NUDT13: variants seen among roughly 807,000 people sequenced by gnomAD.
The protein encoded by NUDT13 is NAD(P)H pyrophosphatase NUDT13, mitochondrial.
In NUDT13, 40 loss-of-function variants were observed where a neutral mutation model predicts 41.7. That is an observed-to-expected ratio of 0.96 (90% CI 0.75 to 1.25). The LOEUF (loss-of-function observed/expected upper bound fraction) is 1.25, where lower values mean the gene tolerates loss of function less well. NUDT13 is among the 50% of genes most tolerant of loss of function. The pLI is 0.00. For missense variants in NUDT13, 390 were observed against 416.1 expected (o/e 0.94, Z 0.55); for synonymous variants, 145 against 155.5 (o/e 0.93, Z 0.50).
chr10:73,111,133 C>A (rs1279017824), intron 1 of NUDT13, among the ~76,000 whole-genome samples: 1 of 152,108 alleles, frequency 6.6e-6, no homozygotes. Context: ...CCCGCCACCA[C>A]GCCCAGCCAC....
intron 8 of NUDT13, among the ~76,000 whole-genome samples, chr10:73,129,572 T>C (rs1426128597): frequency 6.6e-6 from 1 of 152,030 alleles, no homozygotes; most frequent in Non-Finnish European, 1.5e-5. Context: ...TTGGTTTTTA[T>C]AGAATATCTA....
At chr10:73,113,610 T>G (rs1453533490) in intron 1 of NUDT13, among the ~76,000 whole-genome samples, 1 of 152,182 alleles carries the variant, frequency 6.6e-6, no homozygotes, top group African/African-American at 2.4e-5. Flanking sequence ...TTTGTGTTCT[T>G]TAAGGGACCC....
chr10:73,114,646 C>T (rs929910771), intron 2 of NUDT13, among the ~76,000 whole-genome samples, 198 bp downstream of exon 2: 1 of 150,960 alleles, frequency 6.6e-6, no homozygotes, highest in Non-Finnish European at 1.5e-5. Context: ...GTTTCTGGCT[C>T]ATAACTCCTA....
intron 7 of NUDT13, among the ~76,000 whole-genome samples, chr10:73,126,368 G>T (rs755466674): frequency 2.6e-5 from 4 of 152,136 alleles, no homozygotes; most frequent in Non-Finnish European, 4.4e-5. Flanking sequence ...TTTACAGGTT[G>T]GTTTTTTTCT....
chr10:73,117,137 C>T (rs1332488936), intron 2 of NUDT13, among the ~76,000 whole-genome samples: 3 of 150,970 alleles, frequency 2.0e-5, no homozygotes, highest in Admixed American at 6.6e-5. Context: ...CCCACCTCGA[C>T]CTCCCAAAGT....
chr10:73,127,116 C>T (rs1463913769), intron 8 of NUDT13, among the ~76,000 whole-genome samples: 1 of 152,070 alleles, frequency 6.6e-6, no homozygotes, highest in Non-Finnish European at 1.5e-5. Context: ...TGCGATGGCT[C>T]ATGCCTGTAA....
At chr10:73,125,594 C>A in intron 7 of NUDT13, 85 bp downstream of exon 7, 3 of 800,216 alleles carry the variant, frequency 3.7e-6, no homozygotes, top group Non-Finnish European at 3.8e-6. Flanking sequence ...TGCTATAGAG[C>A]TTGAATTCCC....
chr10:73,124,867 C>G, intron 5 of NUDT13: 2 of 381,168 alleles, frequency 5.2e-6, no homozygotes, highest in South Asian at 5.7e-5. Context: ...TTTATTACCT[C>G]ATATACTTCA....
intron 1 of NUDT13, among the ~76,000 whole-genome samples, chr10:73,111,847 T>G: frequency 6.6e-6 from 1 of 152,244 alleles, no homozygotes; most frequent in East Asian, 1.9e-4. Flanking sequence ...GGAGGTAGCC[T>G]CATTAACCAG....
rs761596261 is a variant in NUDT13 at position 73,126,748 on chromosome 10, A to G, written c.779A>G (p.Tyr260Cys). 1.9e-6 allele frequency: 3 copies of G among 1,613,966 alleles called. No individual in the cohort carries two copies. Among genetic ancestry groups the G allele is most frequent in the Non-Finnish European group, 2.5e-6 (3 of 1,180,006 alleles). The change falls in exon 8 of 9, where the codon TAT becomes TGT. Residue 260 changes from tyrosine to cysteine, a missense_variant. Transcript: ENST00000357321. Reference sequence around the variant, plus strand: ...TTGGAGGTGGAAAGCCTGCAGTACTATGCATCCCAGCATTGGCCCTTCCCT... The same window carrying G: ...TTGGAGGTGGAAAGCCTGCAGTACTGTGCATCCCAGCATTGGCCCTTCCCT... ...VGLEVESLQY[Y>C]ASQHWPFPSG...
intron 3 of NUDT13, 40 bp from the exon 4 acceptor site, chr10:73,122,135 T>C: frequency 1.9e-6 from 3 of 1,599,862 alleles, no homozygotes; most frequent in Non-Finnish European, 2.6e-6. Context: ...ATAGAAACCC[T>C]TGTGTTTTGC....
chr10:73,114,714 C>G (rs1482428474), intron 2 of NUDT13, among the ~76,000 whole-genome samples: 1 of 151,666 alleles, frequency 6.6e-6, no homozygotes, highest in Non-Finnish European at 1.5e-5. Context: ...CAGGGGCAGG[C>G]CTCAGGAAAC....
At chr10:73,129,640 G>T (rs901226688) in intron 8 of NUDT13, among the ~76,000 whole-genome samples, 1 of 149,836 alleles carries the variant, frequency 6.7e-6, no homozygotes, top group Non-Finnish European at 1.5e-5. Context: ...GCAAAGATGA[G>T]ACTATGCTTT....
At position 73,119,985 on chromosome 10, in the gene NUDT13, T is replaced by C. The variant is rs1203952943; in HGVS notation, c.84-33T>C. On this transcript the variant is annotated intron_variant, in intron 2 of 8. Transcript: ENST00000357321. ...ATGCTATACAGGTAACTAAGGGTGG[T>C]TTTGTAATGGTTTGATTATTTCCCA... 2.5e-6 allele frequency: 4 copies of C among 1,611,560 alleles called. No homozygotes were observed. The East Asian group carries it at 6.7e-5, about 27-fold the overall frequency.
At chr10:73,118,029 T>C (rs1842557307) in intron 2 of NUDT13, among the ~76,000 whole-genome samples, 2 of 152,210 alleles carry the variant, frequency 1.3e-5, no homozygotes, top group African/African-American at 4.8e-5. Flanking sequence ...CTGGGTGTTT[T>C]TGTAGGTGTT....
intron 8 of NUDT13, among the ~76,000 whole-genome samples, chr10:73,128,553 A>C (rs1224899093): frequency 6.6e-6 from 1 of 152,216 alleles, no homozygotes; most frequent in Non-Finnish European, 1.5e-5. Context: ...AGAAATGTCT[A>C]TTCAGATTCT....
intron 8 of NUDT13, 45 bp downstream of exon 8, chr10:73,126,872 A>T: frequency 6.5e-7 from 1 of 1,544,208 alleles, no homozygotes; most frequent in Non-Finnish European, 8.9e-7. Context: ...CTTTTGCTTC[A>T]TCCAACCTGC....
chr10:73,112,072 CGG>C (rs1405211065), intron 1 of NUDT13, among the ~76,000 whole-genome samples: 3 of 151,972 alleles, frequency 2.0e-5, no homozygotes, highest in African/African-American at 7.3e-5. Context: ...TAAATAAGGC[CGG>C]GGGCAGTGGC....
At chr10:73,127,900 C>T (rs974496309) in intron 8 of NUDT13, among the ~76,000 whole-genome samples, 1 of 151,898 alleles carries the variant, frequency 6.6e-6, no homozygotes, top group African/African-American at 2.4e-5. Context: ...GACCAGTGGC[C>T]ACCCTCCCTT....
Sources: allele counts gnomAD v4.1 joint callset (sites outside exome capture counted in the v4.1 genomes callset), GRCh38; gene constraint gnomAD v4.1.1; transcripts MANE v1.5; gene names NCBI Gene and HGNC (gene_info 2026-07-23, HGNC 2026-07-21).